The following CYTH1 variants were observed in gnomAD, a reference collection of about 807,000 sequenced individuals.
CYTH1 encodes cytohesin 1.
In CYTH1, 18 loss-of-function variants were observed where a neutral mutation model predicts 61.8. That is an observed-to-expected ratio of 0.29 (90% CI 0.20 to 0.43). The LOEUF is 0.43. Ranked by LOEUF, CYTH1 falls within the 20% of genes least tolerant of loss-of-function variation. The pLI, the probability that CYTH1 is intolerant of heterozygous loss-of-function variation, is 1.00. For synonymous variants in CYTH1, 174 were observed against 184.3 expected (o/e 0.94, Z 0.45); for missense variants, 336 against 510.5 (o/e 0.66, Z 3.29).
rs2093023317 is a variant in CYTH1 at position 78,702,582 on chromosome 17, G to C, written c.193C>G (p.Gln65Glu). 4 of 1,614,082 alleles carry C rather than the reference G, an allele frequency of 2.5e-6. No individual in the cohort carries two copies. Among genetic ancestry groups the C allele is most frequent in the Non-Finnish European group, 3.4e-6 (4 of 1,180,026 alleles). The change falls in exon 4 of 14, where the codon CAG (glutamine) becomes GAG (glutamate). Residue 65 changes from glutamine (Q) to glutamate (E), a missense_variant. This residue lies in a region of CYTH1 where 112 missense variants were observed against 127.1 expected (regional missense o/e 0.88). Coordinates refer to ENST00000446868, the MANE Select transcript of CYTH1 (RefSeq NM_004762.6). ...AATTTTTTCCTGCCCATGGCTACCT[G>C]TTTGTTCCTCTGCATGTTTTTCCTG... ...EERKNMQRNK[Q>E]VAMGRKKFNM...
At chr17:78,710,198 C>T (rs891232622) in intron 1 of CYTH1, among the ~76,000 whole-genome samples, 1 of 152,112 alleles carries the variant, frequency 6.6e-6, no homozygotes, top group African/African-American at 2.4e-5. Context: ...CGTGTACGAA[C>T]AATTTTGTGC....
intron 1 of CYTH1, among the ~76,000 whole-genome samples, chr17:78,775,473 C>T (rs567291416): frequency 6.6e-6 from 1 of 152,342 alleles, no homozygotes; most frequent in African/African-American, 2.4e-5. Context: ...TACCCCACCA[C>T]TCTTCCTCTA....
At chr17:78,720,785 G>C (rs990511523) in intron 1 of CYTH1, among the ~76,000 whole-genome samples, 1 of 152,112 alleles carries the variant, frequency 6.6e-6, no homozygotes, top group African/African-American at 2.4e-5. Flanking sequence ...TGAGGTGCGA[G>C]GACCGCGTAA....
chr17:78,771,606 C>T (rs2093471511), intron 1 of CYTH1, among the ~76,000 whole-genome samples: 1 of 151,920 alleles, frequency 6.6e-6, no homozygotes, highest in African/African-American at 2.4e-5. Flanking sequence ...TGGCATGCAC[C>T]TGTAATCCCA....
chr17:78,676,824 C>T (rs1331350574), intron 13 of CYTH1: 2 of 362,912 alleles, frequency 5.5e-6, no homozygotes, highest in African/African-American at 4.3e-5. Context: ...GGCTGGAGCA[C>T]CTGCAGTGGA....
At chr17:78,699,265 G>A (rs1348692639) in intron 7 of CYTH1, among the ~76,000 whole-genome samples, 2 of 151,932 alleles carry the variant, frequency 1.3e-5, no homozygotes, top group African/African-American at 2.4e-5. Context: ...TTGGGAGGCC[G>A]AGGCAGGAGA....
At chr17:78,747,657 G>A (rs1021864730) in intron 1 of CYTH1, among the ~76,000 whole-genome samples, 1 of 152,128 alleles carries the variant, frequency 6.6e-6, no homozygotes, top group East Asian at 1.9e-4. Flanking sequence ...ATGGCCTTGT[G>A]TGACTGGTTT....
intron 1 of CYTH1, among the ~76,000 whole-genome samples, chr17:78,772,182 C>T (rs1484576829): frequency 6.6e-6 from 1 of 151,998 alleles, no homozygotes; most frequent in Non-Finnish European, 1.5e-5. Context: ...AGACTTTCAT[C>T]TTGGAGAGGA....
chr17:78,766,928 G>T (rs925046740), intron 1 of CYTH1, among the ~76,000 whole-genome samples: 12 of 152,192 alleles, frequency 7.9e-5, no homozygotes, highest in African/African-American at 2.9e-4. Context: ...CCACTCAGCA[G>T]CTATGTCCCT....
intron 13 of CYTH1, among the ~76,000 whole-genome samples, chr17:78,679,137 C>T (rs2092731469): frequency 6.6e-6 from 1 of 152,156 alleles, no homozygotes; most frequent in African/African-American, 2.4e-5. Flanking sequence ...TATTGCACAC[C>T]CTCGGGAACG....
At position 78,676,103 on chromosome 17, in the gene CYTH1, C is replaced by G. The variant is rs758604375; in HGVS notation, c.1185G>C (p.Thr395=). The part of the protein sequence containing the change: ...LAARKKKVSS[T]KRH ...CTTGGCTGCACGCTCAGTGTCGCTT[C>G]GTGGAGGAGACCTTCTTTTTCCGTG... is the stretch of plus-strand genomic sequence containing the variant. The change falls in exon 14 of 14, where the codon ACG becomes ACC. Residue 395 remains threonine (T), a synonymous_variant. Transcript: ENST00000446868. 14 of 1,609,530 alleles carry G rather than the reference C, an allele frequency of 8.7e-6. No individual in the cohort carries two copies. In the South Asian group the frequency reaches 1.5e-4, roughly 17 times the overall value.
At chr17:78,727,571 G>C (rs1445615478) in intron 1 of CYTH1, 1 of 408,940 alleles carries the variant, frequency 2.4e-6, no homozygotes. Context: ...GCAAAAGTTT[G>C]GGAGAGGTGT....
At chr17:78,757,609 T>A (rs1598913843) in intron 1 of CYTH1, among the ~76,000 whole-genome samples, 1 of 151,794 alleles carries the variant, frequency 6.6e-6, no homozygotes, top group Non-Finnish European at 1.5e-5. Flanking sequence ...CAGGAAAAAA[T>A]TTTAATTATA....
chr17:78,770,560 A>G (rs1469765875), intron 1 of CYTH1, among the ~76,000 whole-genome samples: 2 of 151,964 alleles, frequency 1.3e-5, no homozygotes, highest in East Asian at 3.9e-4. Context: ...CTGGGACTAC[A>G]GGCGTGCGCC....
At chr17:78,699,320 C>T (rs570656018) in intron 7 of CYTH1, among the ~76,000 whole-genome samples, 17 of 151,386 alleles carry the variant, frequency 1.1e-4, no homozygotes, top group African/African-American at 3.6e-4. Context: ...GCCGAGATAG[C>T]GCCACTGCAC....
At chr17:78,741,285 A>G (rs1301969049) in intron 1 of CYTH1, among the ~76,000 whole-genome samples, 1 of 152,204 alleles carries the variant, frequency 6.6e-6, no homozygotes, top group Non-Finnish European at 1.5e-5. Context: ...CTGTAATCCC[A>G]GCACTTTGGG....
chr17:78,754,896 T>C (rs1310416354), intron 1 of CYTH1, among the ~76,000 whole-genome samples: 1 of 152,140 alleles, frequency 6.6e-6, no homozygotes, highest in African/African-American at 2.4e-5. Flanking sequence ...ATATTTTATA[T>C]ATAATAAAAC....
chr17:78,718,339 T>TTCTACAGCC (rs2093200720), intron 1 of CYTH1, among the ~76,000 whole-genome samples: 1 of 151,890 alleles, frequency 6.6e-6, no homozygotes, highest in Non-Finnish European at 1.5e-5. Context: ...CACCCAGCTT[T>TTCTACAGCC]TCTACAGCCT....
intron 1 of CYTH1, among the ~76,000 whole-genome samples, chr17:78,753,006 A>T (rs2093386428): frequency 6.6e-6 from 1 of 152,134 alleles, no homozygotes; most frequent in African/African-American, 2.4e-5. Context: ...AGGATTACCA[A>T]ATCTCCCCCA....
Sources: allele counts gnomAD v4.1 joint callset (sites outside exome capture counted in the v4.1 genomes callset), GRCh38; gene constraint gnomAD v4.1.1; regional missense constraint gnomAD v4.1.1; transcripts MANE v1.5; gene names NCBI Gene and HGNC (gene_info 2026-07-23, HGNC 2026-07-21).